Variants in GSE1 observed in about 807,000 individuals in gnomAD.
GSE1 encodes genetic suppressor element 1.
A neutral mutation model predicts 112.6 loss-of-function variants in GSE1; 32 were observed. That is an observed-to-expected ratio of 0.28 (90% CI 0.21 to 0.38). The LOEUF is 0.38. Ranked by LOEUF, GSE1 falls within the 10% of genes least tolerant of loss-of-function variation. GSE1 has a pLI of 1.00. For missense variants in GSE1, 2,348 were observed against 1,699.2 expected (o/e 1.38, Z -6.71); for synonymous variants, 1,115 against 735.6 (o/e 1.52, Z -8.35).
At chr16:85,544,318 C>G (rs1012147038) in intron 2 of GSE1, among the ~76,000 whole-genome samples, 2 of 152,164 alleles carry the variant, frequency 1.3e-5, no homozygotes, top group Non-Finnish European at 2.9e-5. Context: ...TTGTAAGTGC[C>G]AGGACAGAGG....
chr16:85,430,583 G>A (rs8045385), intron 2 of GSE1, among the ~76,000 whole-genome samples: 87,387 of 152,100 alleles, frequency 0.57, 27,050 homozygotes, highest in Non-Finnish European at 0.7. Flanking sequence ...GCCACACAGC[G>A]GCGTTCAGCC....
intron 1 of GSE1, among the ~76,000 whole-genome samples, chr16:85,184,523 A>G (rs1352099870): frequency 6.6e-6 from 1 of 152,164 alleles, no homozygotes; most frequent in Non-Finnish European, 1.5e-5. Context: ...TCTTTCCCCC[A>G]TGAGAGCTCC....
Position 85,672,908 on chromosome 16 carries a change from C to G in GSE1, c.*369C>G, listed in dbSNP as rs2053460961. On this transcript the variant is annotated 3_prime_UTR_variant, in exon 16 of 16. Coordinates refer to ENST00000253458, the MANE Select transcript of GSE1 (RefSeq NM_014615.5). ...ATGAGTGGATCAAACCGGTTCTGTT[C>G]TTTCTTGTGTTGCCATGTTACTATG... 2.5e-5 allele frequency: 4 copies of G among 158,306 alleles called. No individual in the cohort carries two copies. Among genetic ancestry groups the G allele is most frequent in the African/African-American group, 9.6e-5 (4 of 41,634 alleles). 9.8% of individuals were successfully genotyped at this position (158,306 alleles called of 1,614,324 possible). A position where few individuals can be genotyped will look rare whatever the true frequency, so the allele number is the denominator to read the frequency against.
At chr16:85,268,463 T>G (rs1011672977) in intron 1 of GSE1, among the ~76,000 whole-genome samples, 4 of 152,090 alleles carry the variant, frequency 2.6e-5, no homozygotes, top group African/African-American at 9.7e-5. Context: ...TGGGTCCTAG[T>G]TTGCTATCAC....
intron 1 of GSE1, among the ~76,000 whole-genome samples, chr16:85,255,673 G>T (rs1050811415): frequency 6.6e-6 from 1 of 151,986 alleles, no homozygotes; most frequent in Non-Finnish European, 1.5e-5. Flanking sequence ...AAAGTGCTGG[G>T]ATTACAGGCG....
chr16:85,448,361 T>C (rs1286574899), intron 2 of GSE1, among the ~76,000 whole-genome samples: 1 of 152,168 alleles, frequency 6.6e-6, no homozygotes. Flanking sequence ...GACCCTGTGC[T>C]CTTTGAGTGA....
At chr16:85,588,367 T>TG (rs1000140577) in intron 1 of GSE1, among the ~76,000 whole-genome samples, 1 of 152,148 alleles carries the variant, frequency 6.6e-6, no homozygotes, top group African/African-American at 2.4e-5. Context: ...CTGCGGGCCT[T>TG]GGGGGGCCCG....
chr16:85,532,863 G>A (rs772634458), intron 2 of GSE1, among the ~76,000 whole-genome samples: 1 of 152,190 alleles, frequency 6.6e-6, no homozygotes, highest in Non-Finnish European at 1.5e-5. Context: ...GAAGTGGGCC[G>A]CCCCTGCAAG....
In GSE1 at chr16:85,225,902, G is replaced by C. The variant is rs181539779; in HGVS notation, c.2283+54095G>C. On this transcript the variant is annotated intron_variant, in intron 1 of 2. Transcript: ENST00000637419. Reference sequence around the variant, plus strand: ...TGCCCTCATCAGCACGTCAACTGGGGCTGTGGTCTCATCTGAAGGCTCTGC... The same window carrying C: ...TGCCCTCATCAGCACGTCAACTGGGCCTGTGGTCTCATCTGAAGGCTCTGC... Among the ~76,000 whole-genome samples, 4 of 152,330 alleles carry C rather than the reference G, an allele frequency of 2.6e-5. No homozygotes were observed. The East Asian group carries it at 7.7e-4, about 29-fold the overall frequency.
At position 85,586,583 on chromosome 16, in the gene GSE1, T is replaced by G. The variant is rs917626811; in HGVS notation, c.37+30220T>G. Among the ~76,000 whole-genome samples, 10 of 152,326 alleles carry G rather than the reference T, an allele frequency of 6.6e-5. No homozygotes were observed. The East Asian group carries it at 1.7e-3, about 26-fold the overall frequency. ...CCAGCTGTCCCACTGCCAGGCCGCATGGCCAAGAGTCGCAGCTGCTCCTAC... is the reference window on the plus strand; with the variant it reads ...CCAGCTGTCCCACTGCCAGGCCGCAGGGCCAAGAGTCGCAGCTGCTCCTAC... On this transcript the variant is annotated intron_variant, in intron 1 of 2. Coordinates refer to the GSE1 transcript ENST00000635906.
At chr16:85,553,266 A>ACCCCGAC (rs894787579), upstream of GSE1, among the ~76,000 whole-genome samples, 2 of 147,856 alleles carry the variant, frequency 1.4e-5, no homozygotes, top group African/African-American at 4.9e-5. Context: ...CAGGTGCCGG[A>ACCCCGAC]CCCCGACCCC....
intron 1 of GSE1, among the ~76,000 whole-genome samples, chr16:85,191,548 A>G (rs908741439): frequency 1.3e-5 from 2 of 152,218 alleles, no homozygotes; most frequent in Non-Finnish European, 2.9e-5. Flanking sequence ...TCAGAGGCAG[A>G]GACAGCTGAT....
intron 1 of GSE1, among the ~76,000 whole-genome samples, chr16:85,191,335 C>T (rs970553364): frequency 5.9e-5 from 9 of 152,146 alleles, no homozygotes; most frequent in Admixed American, 4.6e-4. Flanking sequence ...ATAATTTGCC[C>T]TTTAAAGTGT....
chr16:85,294,585 A>T (rs1305075808), intron 1 of GSE1, among the ~76,000 whole-genome samples: 1 of 149,044 alleles, frequency 6.7e-6, no homozygotes, highest in East Asian at 2.0e-4. Context: ...GGTCACATTC[A>T]GCCTTCCTGG....
At chr16:85,460,149 C>G (rs542271535) in intron 2 of GSE1, among the ~76,000 whole-genome samples, 1 of 152,332 alleles carries the variant, frequency 6.6e-6, no homozygotes, top group African/African-American at 2.4e-5. Context: ...TAAACACTCC[C>G]CTACAGACAC....
rs911272053 is a variant in GSE1 at position 85,558,259 on chromosome 16, T to TC, written c.37+1902dup. ...TGTATCTGGGTTTTTCTCGTCTGTC[T>TC]CCCCCCGGGTCTGTGGCTGGGGAAA... On this transcript the variant is annotated intron_variant, in intron 1 of 2. Transcript: ENST00000635906. Among the ~76,000 whole-genome samples the TC allele has an allele frequency of 8.5e-5, 13 of 152,204 alleles. No individual in the cohort carries two copies. The South Asian group carries it at 1.5e-3, about 17-fold the overall frequency.
chr16:85,508,051 T>C (rs1020688625), intron 2 of GSE1, among the ~76,000 whole-genome samples: 5 of 152,142 alleles, frequency 3.3e-5, no homozygotes, highest in African/African-American at 7.2e-5. Flanking sequence ...TTTTTGTCTT[T>C]TGAGATGGAG....
At chr16:85,664,987 C>T (rs757119324) in intron 11 of GSE1, 28 bp from the exon 12 acceptor site, 35 of 1,377,542 alleles carry the variant, frequency 2.5e-5, no homozygotes, top group South Asian at 5.8e-5. Flanking sequence ...GCAACTGGCT[C>T]GTTAATCTCA....
At chr16:85,542,939 T>G (rs1306646678) in intron 2 of GSE1, among the ~76,000 whole-genome samples, 1 of 152,162 alleles carries the variant, frequency 6.6e-6, no homozygotes, top group Non-Finnish European at 1.5e-5. Flanking sequence ...TAAGAATGTC[T>G]CCTTGTAGCC....
Sources: allele counts gnomAD v4.1 joint callset (sites outside exome capture counted in the v4.1 genomes callset), GRCh38; gene constraint gnomAD v4.1.1; transcripts MANE v1.5; gene names NCBI Gene and HGNC (gene_info 2026-07-23, HGNC 2026-07-21).